The following NR5A2 variants were observed in gnomAD, a reference collection of about 807,000 sequenced individuals.
The protein encoded by NR5A2 is CYP7A promoter-binding factor.
In NR5A2, 26 loss-of-function variants were observed where a neutral mutation model predicts 62.7. The ratio of observed to expected loss-of-function variants is 0.41; its 90% CI spans 0.30 to 0.58. The LOEUF (loss-of-function observed/expected upper bound fraction) is 0.58. NR5A2 is among the 20% of genes least tolerant of loss of function. The probability of loss-of-function intolerance (pLI) is 0.22; values close to 1 mark genes in which losing one functional copy is unlikely to be tolerated. For missense variants in NR5A2, 541 were observed against 669.1 expected (o/e 0.81, Z 2.11); for synonymous variants, 246 against 241.7 (o/e 1.02, Z -0.16).
In NR5A2 at chr1:200,069,415, C is replaced by T. The variant is rs568191635; in HGVS notation, c.1110+20597C>T. 1.6e-4 allele frequency among the ~76,000 whole-genome samples: 24 copies of T among 152,172 alleles called. No individual in the cohort carries two copies. The South Asian group carries it at 2.9e-3, about 18-fold the overall frequency. On this transcript the variant is annotated intron_variant, in intron 5 of 7. Transcript: ENST00000367362. ...AACACGGATTATAGGCATGCACCAC[C>T]ATGCTTGGCTAATTTTTGTATTTTT...
intron 1 of NR5A2, among the ~76,000 whole-genome samples, chr1:200,034,931 A>T (rs536756486): frequency 6.6e-6 from 1 of 152,022 alleles, no homozygotes; most frequent in Non-Finnish European, 1.5e-5. Flanking sequence ...TTTCTAATAC[A>T]AAGCGCTCGG....
chr1:200,070,957 A>G (rs1481059853), intron 5 of NR5A2, among the ~76,000 whole-genome samples: 6 of 152,222 alleles, frequency 3.9e-5, no homozygotes, highest in Non-Finnish European at 7.3e-5. Flanking sequence ...CGTGTTGGCA[A>G]TACTTTATAA....
intron 5 of NR5A2, among the ~76,000 whole-genome samples, chr1:200,089,533 C>G (rs1268780308): frequency 6.6e-6 from 1 of 152,186 alleles, no homozygotes; most frequent in African/African-American, 2.4e-5. Context: ...TGCAGTGGCA[C>G]CACCTCGGCT....
intron 7 of NR5A2, among the ~76,000 whole-genome samples, chr1:200,133,904 T>C (rs1667099862): frequency 6.6e-6 from 1 of 152,086 alleles, no homozygotes; most frequent in Admixed American, 6.6e-5. Flanking sequence ...GGACAAGATA[T>C]GGAGGTGGAA....
chr1:200,065,298 C>T (rs1190517783), intron 5 of NR5A2, among the ~76,000 whole-genome samples: 1 of 152,010 alleles, frequency 6.6e-6, no homozygotes, highest in Non-Finnish European at 1.5e-5. Context: ...TGTGCACCAC[C>T]ACATGCAGTT....
chr1:200,114,687 C>T lies in NR5A2; in HGVS notation c.1230+3366C>T, dbSNP rs901036973. On this transcript the variant is annotated intron_variant, in intron 6 of 7. Transcript: ENST00000367362. Reference sequence around the variant, plus strand: ...TTAGAAGTCATCAAAACTAGGCCAGCGCAAGGGTGACATTTATGGAGTCAA... The same window carrying T: ...TTAGAAGTCATCAAAACTAGGCCAGTGCAAGGGTGACATTTATGGAGTCAA... Among the ~76,000 whole-genome samples, 14 of 152,122 alleles carry T rather than the reference C, an allele frequency of 9.2e-5. 1 individual carries two copies. Among genetic ancestry groups the T allele is most frequent in the South Asian group, 4.1e-4 (2 of 4,824 alleles).
At chr1:200,173,353 G>A (rs1252612568) in intron 7 of NR5A2, among the ~76,000 whole-genome samples, 1 of 152,216 alleles carries the variant, frequency 6.6e-6, no homozygotes, top group Non-Finnish European at 1.5e-5. Flanking sequence ...AAGATCATTA[G>A]TCACCAAGAT....
chr1:200,063,047 G>A (rs1462392603), intron 5 of NR5A2, among the ~76,000 whole-genome samples: 5 of 148,372 alleles, frequency 3.4e-5, no homozygotes, highest in Non-Finnish European at 6.0e-5. Context: ...TTTTTGAGAT[G>A]GAGTCTCATT....
chr1:200,082,428 G>A (rs1036672233), intron 5 of NR5A2, among the ~76,000 whole-genome samples: 9 of 152,104 alleles, frequency 5.9e-5, no homozygotes, highest in African/African-American at 2.2e-4. Context: ...CTGGCCATTG[G>A]TGTCTTTGTA....
Position 200,043,911 on chromosome 1 carries a change from A to T in NR5A2, c.321+19A>T. On this transcript the variant is annotated intron_variant, in intron 3 of 7. Transcript: ENST00000367362. ...CTGCAAGGTTTGCTCACACATTGCT[A>T]CCTGAAAAATATAATGTCCAACACC... is the stretch of plus-strand genomic sequence containing the variant. 1 of 1,487,222 alleles carries T rather than the reference A, an allele frequency of 6.7e-7. No individual in the cohort carries two copies. Among genetic ancestry groups the T allele is most frequent in the Non-Finnish European group, 9.4e-7 (1 of 1,069,302 alleles). 92.1% of individuals were successfully genotyped at this position (1,487,222 alleles called of 1,614,324 possible). A position where few individuals can be genotyped will look rare whatever the true frequency, so the allele number is the denominator to read the frequency against.
At chr1:200,055,611 T>C (rs1662880665) in intron 5 of NR5A2, among the ~76,000 whole-genome samples, 1 of 152,192 alleles carries the variant, frequency 6.6e-6, no homozygotes, top group Non-Finnish European at 1.5e-5. Context: ...TCAGGAATCA[T>C]GGGTCCAACA....
At chr1:200,038,782 G>A (rs61819900) in intron 1 of NR5A2, 9 of 1,337,576 alleles carry the variant, frequency 6.7e-6, no homozygotes, top group Non-Finnish European at 8.9e-6. Flanking sequence ...TGTAAGACCC[G>A]GCTGCATTTA....
At chr1:200,110,377 AC>A (rs1322917592) in intron 5 of NR5A2, among the ~76,000 whole-genome samples, 1 of 152,326 alleles carries the variant, frequency 6.6e-6, no homozygotes, top group African/African-American at 2.4e-5. Flanking sequence ...AAATACGAGG[AC>A]TGGACATGAG....
At chr1:200,124,552 A>T (rs2102316231) in intron 7 of NR5A2, among the ~76,000 whole-genome samples, 1 of 152,352 alleles carries the variant, frequency 6.6e-6, no homozygotes, top group East Asian at 1.9e-4. Flanking sequence ...CTGTAGGCCC[A>T]ATCTCTGTTA....
At chr1:200,057,279 C>G (rs1232899141) in intron 5 of NR5A2, among the ~76,000 whole-genome samples, 2 of 152,060 alleles carry the variant, frequency 1.3e-5, no homozygotes, top group African/African-American at 2.4e-5. Context: ...TACTCTAGTG[C>G]TAGGTGCTTT....
chr1:200,096,634 CTCAG>C (rs751274762), intron 5 of NR5A2, among the ~76,000 whole-genome samples: 1 of 152,196 alleles, frequency 6.6e-6, no homozygotes, highest in Non-Finnish European at 1.5e-5. Context: ...AGCCAACCAA[CTCAG>C]TCACTCTGTA....
chr1:200,106,206 C>T lies in NR5A2; in HGVS notation c.1111-4996C>T, dbSNP rs575934306. On this transcript the variant is annotated intron_variant, in intron 5 of 7. Coordinates refer to ENST00000367362, the MANE Select transcript of NR5A2 (RefSeq NM_205860.3). ...CTAAATAGCTGGGATTACAGGCACC[C>T]GCCACCATGCCCACCTAATTTTTTG... 9.9e-5 allele frequency among the ~76,000 whole-genome samples: 15 copies of T among 152,074 alleles called. 1 individual carries two copies. In the South Asian group the frequency reaches 1.5e-3, roughly 15 times the overall value.
intron 5 of NR5A2, among the ~76,000 whole-genome samples, chr1:200,068,767 T>A (rs1663612255): frequency 6.6e-6 from 1 of 152,236 alleles, no homozygotes; most frequent in South Asian, 2.1e-4. Flanking sequence ...CTGCTTCCGA[T>A]TTGCAGTTCT....
intron 2 of NR5A2, among the ~76,000 whole-genome samples, chr1:200,041,036 G>A (rs563259547): frequency 6.6e-6 from 1 of 152,102 alleles, no homozygotes; most frequent in Non-Finnish European, 1.5e-5. Context: ...CCTTTCTTCC[G>A]GGCACCTGGA....
Sources: gnomAD v4.1 joint callset for allele counts (sites outside exome capture counted in the v4.1 genomes callset) on GRCh38, gnomAD v4.1.1 for gene constraint, MANE v1.5 for transcripts, NCBI Gene and HGNC (gene_info 2026-07-23, HGNC 2026-07-21) for gene names.